The following NCS1 variants were observed in gnomAD, a reference collection of about 807,000 sequenced individuals.
The protein encoded by NCS1 is neuronal calcium sensor 1, also known as frequenin homolog.
Under a neutral mutation model 28.4 loss-of-function variants are expected in NCS1, and 6 were observed. The ratio of observed to expected loss-of-function variants is 0.21; its 90% CI spans 0.12 to 0.42. The LOEUF is 0.42. Among genes scored for constraint, NCS1 ranks in the 10% least tolerant of loss-of-function variants. The pLI is 1.00. For missense variants in NCS1, 131 were observed against 241.4 expected, an observed-to-expected ratio of 0.54 and a Z score of 3.03; for synonymous variants, 86 against 99.3, an observed-to-expected ratio of 0.87 and a Z score of 0.79.
rs1833163004 is a variant in NCS1 at position 130,215,028 on chromosome 9, T to C, written c.90-2804T>C. On this transcript the variant is annotated intron_variant, in intron 2 of 7. Transcript: ENST00000372398. The surrounding 1 kb of genome is among the most constrained non-coding windows in gnomAD (Gnocchi z 4.2). ...ATCTGCAGGGAGGCCTTTGGGTGCC[T>C]TTTGTTTTGTCTTTATTGTTTTTAA... Among the ~76,000 whole-genome samples the C allele has an allele frequency of 6.6e-6, 1 of 152,230 alleles. No individual in the cohort carries two copies. Among genetic ancestry groups the C allele is most frequent in the South Asian group, 2.1e-4 (1 of 4,836 alleles).
chr9:130,183,716 C>T (rs1166897471), intron 1 of NCS1, among the ~76,000 whole-genome samples: 1 of 136,734 alleles, frequency 7.3e-6, no homozygotes, highest in Non-Finnish European at 1.7e-5. Flanking sequence ...TCTCTCCCTT[C>T]CTTCCTTCTT....
At chr9:130,229,654 A>G (rs1554911854) in intron 7 of NCS1, among the ~76,000 whole-genome samples, 1 of 152,122 alleles carries the variant, frequency 6.6e-6, no homozygotes, top group African/African-American at 2.4e-5. Context: ...GCAAATCACC[A>G]TGTCATATTA....
chr9:130,237,025 G>A lies in NCS1; in HGVS notation c.*4053G>A, dbSNP rs1186330540. 3 of 152,242 alleles carry A rather than the reference G, an allele frequency of 2.0e-5. No homozygotes were observed. Among genetic ancestry groups the A allele is most frequent in the Admixed American group, 2.0e-4 (3 of 15,266 alleles). The allele number at this position is 152,242 out of a possible 1,614,324, so 9.4% of individuals were successfully genotyped here. The stretch of plus-strand genomic sequence containing the variant: ...GCCTCCCACCCGGAGCCTGCCACTT[G>A]GGGGAGAAATTGGTATAATGCTTGC... On this transcript the variant is annotated 3_prime_UTR_variant, in exon 8 of 8. Coordinates refer to ENST00000372398, the MANE Select transcript of NCS1 (RefSeq NM_014286.4).
chr9:130,182,788 T>A (rs1178355072), intron 1 of NCS1, among the ~76,000 whole-genome samples: 1 of 152,208 alleles, frequency 6.6e-6, no homozygotes, highest in Non-Finnish European at 1.5e-5. Context: ...GGAAGCCTTG[T>A]CACGGACAAG....
At position 130,232,328 on chromosome 9, in the gene NCS1, G is replaced by T. The variant is rs1449168018; in HGVS notation, c.*18-662G>T. Among the ~76,000 whole-genome samples the T allele has an allele frequency of 3.3e-5, 5 of 152,156 alleles. No homozygotes were observed. Among genetic ancestry groups the T allele is most frequent in the African/African-American group, 1.2e-4 (5 of 41,430 alleles). On this transcript the variant is annotated intron_variant, in intron 7 of 7. Coordinates refer to ENST00000372398, the MANE Select transcript of NCS1 (RefSeq NM_014286.4). This position sits in a 1 kb window ranked among gnomAD's most constrained non-coding sequence, Gnocchi z 4.4. ...CATGTGTTTATCGACTGTTCTATGT[G>T]TTGTTTTTAATGGTTTGTAAACTGT...
Position 130,232,791 on chromosome 9 carries a change from A to C in NCS1, c.*18-199A>C, listed in dbSNP as rs1484463896. 6.7e-6 allele frequency among the ~76,000 whole-genome samples: 1 copy of C among 150,254 alleles called. No homozygotes were observed. Among genetic ancestry groups the C allele is most frequent in the African/African-American group, 2.5e-5 (1 of 40,698 alleles). On this transcript the variant is annotated intron_variant, in intron 7 of 7. Coordinates refer to ENST00000372398, the MANE Select transcript of NCS1 (RefSeq NM_014286.4). The surrounding 1 kb of genome is among the most constrained non-coding windows in gnomAD (Gnocchi z 4.4). ...ACAGAGCAAGACTCCAACTCAAAAA[A>C]AAGCAAACAAAAAAAAACCAAAAAA...
At chr9:130,225,717 G>A (rs1475868974) in intron 6 of NCS1, among the ~76,000 whole-genome samples, 1 of 152,256 alleles carries the variant, frequency 6.6e-6, no homozygotes, top group Non-Finnish European at 1.5e-5. Flanking sequence ...TGTCGTGTAC[G>A]CAGCGAGCGA....
At chr9:130,229,633 A>G (rs1554911850) in intron 7 of NCS1, among the ~76,000 whole-genome samples, 1 of 152,170 alleles carries the variant, frequency 6.6e-6, no homozygotes, top group Non-Finnish European at 1.5e-5. Context: ...AATTTTTCAC[A>G]GTCCTCTTTT....
At position 130,234,673 on chromosome 9, in the gene NCS1, A is replaced by G. The variant is rs533760373; in HGVS notation, c.*1701A>G. The G allele has an allele frequency of 6.6e-6, 1 of 152,346 alleles. No individual in the cohort carries two copies. Among genetic ancestry groups the G allele is most frequent in the Admixed American group, 6.5e-5 (1 of 15,290 alleles). The allele number at this position is 152,346 out of a possible 1,614,324, so 9.4% of individuals were successfully genotyped here. A position where few individuals can be genotyped will look rare whatever the true frequency, so the allele number is the denominator to read the frequency against. ...CGAGGGACTGTCTGAGTCACAGCAC[A>G]GCCCCTATTGCGTGGCTGCTGGTGT... On this transcript the variant is annotated 3_prime_UTR_variant, in exon 8 of 8. Transcript: ENST00000372398. The surrounding 1 kb of genome is among the most constrained non-coding windows in gnomAD (Gnocchi z 6.1).
At chr9:130,182,009 C>T (rs1832665525) in intron 1 of NCS1, among the ~76,000 whole-genome samples, 1 of 151,982 alleles carries the variant, frequency 6.6e-6, no homozygotes, top group African/African-American at 2.4e-5. Context: ...GGTCTGGAAC[C>T]AGGTGATAAG....
intron 1 of NCS1, among the ~76,000 whole-genome samples, chr9:130,193,020 C>T (rs781903540): frequency 3.4e-4 from 52 of 152,376 alleles, no homozygotes; most frequent in Middle Eastern, 6.8e-3. Flanking sequence ...CCAGGTCCCA[C>T]AAGAGACCAC....
intron 1 of NCS1, among the ~76,000 whole-genome samples, chr9:130,199,615 A>G (rs1832916194): frequency 6.6e-6 from 1 of 152,214 alleles, no homozygotes. Flanking sequence ...GAGCTGGGGC[A>G]GAGTTGTGCC....
chr9:130,185,612 C>T (rs2131121712), intron 1 of NCS1, among the ~76,000 whole-genome samples: 1 of 152,366 alleles, frequency 6.6e-6, no homozygotes, highest in South Asian at 2.1e-4. Context: ...CGGCCCTGCT[C>T]CTGCCTCTTT....
chr9:130,231,220 G>A (rs1367441715), intron 7 of NCS1, among the ~76,000 whole-genome samples: 2 of 151,738 alleles, frequency 1.3e-5, no homozygotes, highest in African/African-American at 4.8e-5. Flanking sequence ...GTGTGGTGGC[G>A]GGTGCCTGTA....
intron 1 of NCS1, among the ~76,000 whole-genome samples, chr9:130,173,934 G>T (rs1368176479): frequency 6.6e-6 from 1 of 152,220 alleles, no homozygotes; most frequent in African/African-American, 2.4e-5. Context: ...AACAAAGGGG[G>T]CTTTCCTGAG....
At chr9:130,228,952 G>A (rs1833457393) in intron 7 of NCS1, among the ~76,000 whole-genome samples, 2 of 151,996 alleles carry the variant, frequency 1.3e-5, no homozygotes, top group South Asian at 2.1e-4. Flanking sequence ...CTGCAGGCGT[G>A]AGCCACCATG....
intron 1 of NCS1, among the ~76,000 whole-genome samples, chr9:130,182,677 G>T (rs544495740): frequency 6.6e-6 from 1 of 152,200 alleles, no homozygotes; most frequent in African/African-American, 2.4e-5. Context: ...GGTGCTGACC[G>T]TGTGTGGGCG....
rs959439693 is a variant in NCS1, at chr9:130,180,793, C to T, written c.64+8066C>T. Among the ~76,000 whole-genome samples, 4 of 152,190 alleles carry T rather than the reference C, an allele frequency of 2.6e-5. No individual in the cohort carries two copies. The highest frequency in any genetic ancestry group is 9.7e-5 in the African/African-American group (4 of 41,440). On this transcript the variant is annotated intron_variant, in intron 1 of 7. Transcript: ENST00000372398. This position sits in a 1 kb window ranked among gnomAD's most constrained non-coding sequence, Gnocchi z 4.5. ...TCAGGGACAGCCGTTCTTGGCCACT[C>T]CCCTGGGCAATCACAGAGTGAGCTG...
At position 130,177,799 on chromosome 9, in the gene NCS1, G is replaced by A. The variant is rs183943213; in HGVS notation, c.64+5072G>A. On this transcript the variant is annotated intron_variant, in intron 1 of 7. Transcript: ENST00000372398. This position sits in a 1 kb window ranked among gnomAD's most constrained non-coding sequence, Gnocchi z 4.4. ...GGAGAAGCTTTGCAGTCCGGGGAGC[G>A]GGCCAGAAAGACAAAGGGGTTGTTT... Among the ~76,000 whole-genome samples, 108 of 152,296 alleles carry A rather than the reference G, an allele frequency of 7.1e-4. No individual in the cohort carries two copies. Among genetic ancestry groups the A allele is most frequent in the African/African-American group, 2.5e-3 (102 of 41,568 alleles).
Sources: gnomAD v4.1 joint callset for allele counts (sites outside exome capture counted in the v4.1 genomes callset) on GRCh38, gnomAD v4.1.1 for gene constraint, Gnocchi (gnomAD v3.1) non-coding constraint, MANE v1.5 for transcripts, NCBI Gene and HGNC (gene_info 2026-07-23, HGNC 2026-07-21) for gene names.